Variants in PRKCB observed in about 807,000 individuals in gnomAD.
The protein encoded by PRKCB is protein kinase C beta type.
Under a neutral mutation model 81.5 loss-of-function variants are expected in PRKCB, and 13 were observed. The observed-to-expected ratio is 0.16, with a 90% CI of 0.10 to 0.25. The LOEUF is 0.25. Ranked by LOEUF, PRKCB falls within the 10% of genes least tolerant of loss-of-function variation. PRKCB has a pLI of 1.00. For synonymous variants in PRKCB, 335 were observed against 321.4 expected, an observed-to-expected ratio of 1.04 and a Z score of -0.45; for missense variants, 509 against 875.7, an observed-to-expected ratio of 0.58 and a Z score of 5.29.
chr16:24,112,530 C>T (rs1373562106), intron 7 of PRKCB, among the ~76,000 whole-genome samples: 1 of 151,592 alleles, frequency 6.6e-6, no homozygotes, highest in Non-Finnish European at 1.5e-5. Context: ...AGAGTGAGAC[C>T]CTATCTCTAA....
chr16:23,964,095 C>T (rs1161097993), intron 2 of PRKCB, among the ~76,000 whole-genome samples: 1 of 152,130 alleles, frequency 6.6e-6, no homozygotes, highest in African/African-American at 2.4e-5. Context: ...GCCATGTGTG[C>T]CTACTGAGAT....
intron 3 of PRKCB, among the ~76,000 whole-genome samples, chr16:24,018,333 G>GA (rs1965313269): frequency 1.3e-5 from 2 of 152,194 alleles, no homozygotes; most frequent in Admixed American, 1.3e-4. Context: ...ATACAGGCGT[G>GA]AGCCACCGGA....
At chr16:23,941,754 A>G (rs1964143379) in intron 2 of PRKCB, among the ~76,000 whole-genome samples, 1 of 152,236 alleles carries the variant, frequency 6.6e-6, no homozygotes, top group South Asian at 2.1e-4. Flanking sequence ...TTTCAGCATG[A>G]TGAAGACTAT....
intron 5 of PRKCB, among the ~76,000 whole-genome samples, chr16:24,072,647 T>A (rs1966125806): frequency 6.6e-6 from 1 of 151,688 alleles, no homozygotes; most frequent in South Asian, 2.1e-4. Context: ...AATGGCATGA[T>A]CTCTGCTCAC....
intron 5 of PRKCB, among the ~76,000 whole-genome samples, chr16:24,059,645 TGA>T (rs1965947151): frequency 6.6e-6 from 1 of 152,026 alleles, no homozygotes; most frequent in African/African-American, 2.4e-5. Context: ...CCAGCCTGAG[TGA>T]CAGAGTGACA....
chr16:23,847,478 ACCCAGCTAT>A, intron 2 of PRKCB, among the ~76,000 whole-genome samples: 3 of 150,686 alleles, frequency 2.0e-5, no homozygotes, highest in Non-Finnish European at 3.0e-5. Flanking sequence ...CCATCCATCC[ACCCAGCTAT>A]TCTTCCATTC....
rs111509250 is a variant in PRKCB, at chr16:24,139,044, G to A, written c.1065+15063G>A. 7.1e-3 allele frequency among the ~76,000 whole-genome samples: 1,078 copies of A among 151,958 alleles called. 9 individuals are homozygous for A. Among genetic ancestry groups the A allele is most frequent in the African/African-American group, 0.024 (1,004 of 41,424 alleles). ...ATTTTATATTTTTAGTAGAGACAGG[G>A]TTTCACCATGTTGACCAGGCTGGTC... On this transcript the variant is annotated intron_variant, in intron 9 of 16. Transcript: ENST00000643927.
intron 5 of PRKCB, among the ~76,000 whole-genome samples, chr16:24,074,417 G>C (rs980883281): frequency 1.3e-5 from 2 of 152,138 alleles, no homozygotes; most frequent in Non-Finnish European, 2.9e-5. Flanking sequence ...TCAGTAAAAT[G>C]GGGAAAACAG....
intron 15 of PRKCB, among the ~76,000 whole-genome samples, chr16:24,187,651 G>GTGTTTT: frequency 6.8e-6 from 1 of 147,702 alleles, no homozygotes. Flanking sequence ...TAGGCACAAG[G>GTGTTTT]TGTTTTTGTT....
chr16:24,017,892 A>ATTTTT lies in PRKCB; in HGVS notation c.289-14223_289-14219dup, dbSNP rs35809970. ...CTATAGGCATGCGCCACCATAACTA[A>ATTTTT]TTTTTTTTTTTTTTTTTTTTTTTTT... On this transcript the variant is annotated intron_variant, in intron 3 of 16. Coordinates refer to ENST00000643927, the MANE Select transcript of PRKCB (RefSeq NM_002738.7). Among the ~76,000 whole-genome samples the ATTTTT allele has an allele frequency of 3.5e-4, 40 of 113,246 alleles. 1 individual carries two copies. The highest frequency in any genetic ancestry group is 1.1e-3 in the African/African-American group (33 of 28,762). The allele number at this position is 113,246 out of a possible 152,430, so 74.3% of individuals were successfully genotyped here.
At chr16:23,865,567 GTGTATA>G (rs1360013642) in intron 2 of PRKCB, among the ~76,000 whole-genome samples, 21 of 6,630 alleles carry the variant, frequency 3.2e-3, no homozygotes, top group African/African-American at 0.015. Flanking sequence ...GTGTGTGTGT[GTGTATA>G]TGTATATTTA....
At chr16:24,145,193 G>A (rs561436790) in intron 9 of PRKCB, among the ~76,000 whole-genome samples, 3 of 152,286 alleles carry the variant, frequency 2.0e-5, no homozygotes, top group Non-Finnish European at 2.9e-5. Context: ...GTGAGATTGA[G>A]TCCCAAGTAC....
At chr16:24,126,737 T>C (rs1966844977) in intron 9 of PRKCB, among the ~76,000 whole-genome samples, 1 of 152,064 alleles carries the variant, frequency 6.6e-6, no homozygotes, top group Admixed American at 6.6e-5. Flanking sequence ...GGTTTCACCA[T>C]GTTGACCAGG....
At chr16:23,844,558 G>A (rs1335581843) in intron 2 of PRKCB, among the ~76,000 whole-genome samples, 1 of 152,154 alleles carries the variant, frequency 6.6e-6, no homozygotes, top group Non-Finnish European at 1.5e-5. Flanking sequence ...CCAGGCTGGA[G>A]TGCAGTGGTG....
intron 7 of PRKCB, among the ~76,000 whole-genome samples, chr16:24,110,264 T>G (rs1302669605): frequency 6.6e-6 from 1 of 151,304 alleles, no homozygotes; most frequent in African/African-American, 2.4e-5. Flanking sequence ...CAGGCTGGAG[T>G]GCAGTGGAGC....
Position 23,950,132 on chromosome 16 carries a change from A to AGTTTTTTTTTTTTTTTTTTTT in PRKCB, c.206-38376_206-38375insGTTTTTTTTTTTTTTTTTTTT, listed in dbSNP as rs55986931. 8.2e-5 allele frequency among the ~76,000 whole-genome samples: 8 copies of AGTTTTTTTTTTTTTTTTTTTT among 97,760 alleles called. 2 individuals are homozygous for AGTTTTTTTTTTTTTTTTTTTT. The highest frequency in any genetic ancestry group is 4.2e-5 in the African/African-American group (1 of 24,092). 64.1% of individuals were successfully genotyped at this position (97,760 alleles called of 152,430 possible). A position where few individuals can be genotyped will look rare whatever the true frequency, so the allele number is the denominator to read the frequency against. Reference sequence around the variant, plus strand: ...AGCAGCATTGGCCCCTATGATTTGAATTTTTTTTTTTTTTTTTTTTTTTTT... The same window carrying AGTTTTTTTTTTTTTTTTTTTT: ...AGCAGCATTGGCCCCTATGATTTGAAGTTTTTTTTTTTTTTTTTTTTTTTTTTTTTTTTTTTTTTTTTTTTT... On this transcript the variant is annotated intron_variant, in intron 2 of 16. Transcript: ENST00000643927.
intron 2 of PRKCB, among the ~76,000 whole-genome samples, chr16:23,978,087 C>T (rs1261181764): frequency 6.6e-6 from 1 of 152,086 alleles, no homozygotes; most frequent in Non-Finnish European, 1.5e-5. Flanking sequence ...TTCATACAAC[C>T]AAGCTGTAAA....
intron 9 of PRKCB, among the ~76,000 whole-genome samples, chr16:24,139,351 C>T (rs372980629): frequency 1.4e-4 from 21 of 152,274 alleles, no homozygotes; most frequent in East Asian, 7.7e-4. Flanking sequence ...GTAGTTCTCT[C>T]GCATTTCTTG....
At chr16:23,921,920 G>A (rs189338719) in intron 2 of PRKCB, among the ~76,000 whole-genome samples, 2 of 152,310 alleles carry the variant, frequency 1.3e-5, no homozygotes, top group Admixed American at 1.3e-4. Context: ...AGGCATTTGA[G>A]TTGAATCTTA....
Sources: allele counts gnomAD v4.1 joint callset (sites outside exome capture counted in the v4.1 genomes callset), GRCh38; gene constraint gnomAD v4.1.1; transcripts MANE v1.5; gene names NCBI Gene and HGNC (gene_info 2026-07-23, HGNC 2026-07-21).